The following MYO6 variants were observed in gnomAD, a reference collection of about 807,000 sequenced individuals.
The protein encoded by MYO6 is myosin VI.
In MYO6, 74 loss-of-function variants were observed where a neutral mutation model predicts 178.7. That is an observed-to-expected ratio of 0.41 (90% confidence interval 0.34 to 0.50). MYO6 has a LOEUF of 0.50. Ranked by LOEUF, MYO6 falls within the 20% of genes least tolerant of loss-of-function variation. The probability of loss-of-function intolerance (pLI) is 0.09; values close to 1 mark genes in which losing one functional copy is unlikely to be tolerated. For synonymous variants in MYO6, 477 were observed against 504.6 expected (o/e 0.95, Z 0.73); for missense variants, 1,330 against 1,547.4 (o/e 0.86, Z 2.36).
chr6:75,913,200 G>A (rs140999133), intron 33 of MYO6, among the ~76,000 whole-genome samples: 1,814 of 152,228 alleles, frequency 0.012, 18 homozygotes, highest in Middle Eastern at 0.02. Flanking sequence ...TGCTGCTAAA[G>A]ATGTAAAGTC....
intron 30 of MYO6, among the ~76,000 whole-genome samples, chr6:75,901,037 T>G (rs1415060913): frequency 6.6e-6 from 1 of 152,058 alleles, no homozygotes; most frequent in Non-Finnish European, 1.5e-5. Flanking sequence ...AAAGATCAGA[T>G]AGTTGTAGAT....
intron 1 of MYO6, among the ~76,000 whole-genome samples, chr6:75,778,980 C>T (rs9447550): frequency 0.064 from 9,498 of 147,272 alleles, 389 homozygotes; most frequent in East Asian, 0.18. Context: ...TTGCTTAAGC[C>T]CAGGAGGTTG....
At chr6:75,863,925 A>G (rs577763210) in intron 16 of MYO6, among the ~76,000 whole-genome samples, 6 of 152,244 alleles carry the variant, frequency 3.9e-5, no homozygotes, top group African/African-American at 1.4e-4. Flanking sequence ...TCATTCAGCC[A>G]TTGTTACCTG....
At chr6:75,903,356 A>T (rs986767425) in intron 30 of MYO6, among the ~76,000 whole-genome samples, 9 of 151,806 alleles carry the variant, frequency 5.9e-5, no homozygotes, top group African/African-American at 2.2e-4. Context: ...AATGTGTGGG[A>T]GTCTAAGTCT....
At chr6:75,906,684 C>A (rs866379702) in intron 30 of MYO6, among the ~76,000 whole-genome samples, 1 of 147,034 alleles carries the variant, frequency 6.8e-6, no homozygotes, top group Non-Finnish European at 1.5e-5. Flanking sequence ...TCAAAAAAAA[C>A]AAAAAACAAA....
chr6:75,812,444 C>G (rs1335189392), intron 1 of MYO6, among the ~76,000 whole-genome samples: 1 of 152,076 alleles, frequency 6.6e-6, no homozygotes, highest in Non-Finnish European at 1.5e-5. Flanking sequence ...TTTATTCTTT[C>G]TTTGTACCAC....
chr6:75,753,689 C>G (rs372576311), intron 1 of MYO6, among the ~76,000 whole-genome samples: 1 of 151,974 alleles, frequency 6.6e-6, no homozygotes, highest in Non-Finnish European at 1.5e-5. Context: ...TCTTGAACTC[C>G]TGAGCTCAGA....
intron 1 of MYO6, among the ~76,000 whole-genome samples, chr6:75,800,211 C>T (rs932444009): frequency 6.6e-6 from 1 of 152,090 alleles, no homozygotes; most frequent in African/African-American, 2.4e-5. Flanking sequence ...CCCTTACTTT[C>T]ACGAAAGAAA....
Position 75,915,855 on chromosome 6 carries a change from T to C in MYO6, c.*843T>C, listed in dbSNP as rs1332142981. 6.6e-6 allele frequency: 1 copy of C among 152,658 alleles called. No homozygotes were observed. The highest frequency in any genetic ancestry group is 2.4e-5 in the African/African-American group (1 of 41,472). 9.5% of individuals were successfully genotyped at this position (152,658 alleles called of 1,614,324 possible). On this transcript the variant is annotated 3_prime_UTR_variant, in exon 35 of 35. Coordinates refer to ENST00000369977, the MANE Select transcript of MYO6 (RefSeq NM_004999.4). Reference sequence around the variant, plus strand: ...GAATTCAAATATTCTTTCAACTTCATCTCAATAGTGATTTTTGTATCAGAA... The same window carrying C: ...GAATTCAAATATTCTTTCAACTTCACCTCAATAGTGATTTTTGTATCAGAA...
intron 1 of MYO6, among the ~76,000 whole-genome samples, chr6:75,814,139 A>C (rs986806263): frequency 9.9e-5 from 15 of 152,148 alleles, no homozygotes; most frequent in Non-Finnish European, 2.1e-4. Context: ...CCCCAGAACA[A>C]TTTAGCCTGC....
chr6:75,817,344 C>T lies in MYO6; in HGVS notation c.-47-157C>T, dbSNP rs116700689. Among the ~76,000 whole-genome samples the T allele has an allele frequency of 8.7e-3, 1,317 of 150,912 alleles. 18 individuals are homozygous for T. The highest frequency in any genetic ancestry group is 0.031 in the African/African-American group (1,267 of 41,054). On this transcript the variant is annotated intron_variant, in intron 1 of 34. Transcript: ENST00000369977. ...AAAAGTAGATAAAGGGGGCAGAGTT[C>T]AGCAAGAGGCAAGGGAGGAGGTGGG...
intron 25 of MYO6, 76 bp from the exon 26 acceptor site, chr6:75,889,981 A>G: frequency 1.9e-6 from 2 of 1,030,770 alleles, no homozygotes. Context: ...ATAATTCAGT[A>G]TTGTTAAGTA....
chr6:75,807,776 T>A (rs1301957053), intron 1 of MYO6, among the ~76,000 whole-genome samples: 1 of 152,244 alleles, frequency 6.6e-6, no homozygotes, highest in Non-Finnish European at 1.5e-5. Context: ...CTTGTTGCCA[T>A]CTTGGTTTTG....
At chr6:75,895,196 G>A in intron 28 of MYO6, 35 bp from the exon 29 acceptor site, 1 of 1,542,126 alleles carries the variant, frequency 6.5e-7, no homozygotes, top group South Asian at 1.1e-5. Flanking sequence ...TTCACAATTG[G>A]TTACGATATT....
At position 75,915,395 on chromosome 6, in the gene MYO6, A is replaced by C. The variant is rs1280734707; in HGVS notation, c.*383A>C. The C allele has an allele frequency of 1.4e-5, 3 of 219,626 alleles. No individual in the cohort carries two copies. The highest frequency in any genetic ancestry group is 2.8e-5 in the Non-Finnish European group (3 of 107,352). 13.6% of individuals were successfully genotyped at this position (219,626 alleles called of 1,614,324 possible). ...TGGCACAGTACCATATAACTGGAGT[A>C]ATAAAACATGAGCTTACATTCTTAC... On this transcript the variant is annotated 3_prime_UTR_variant, in exon 35 of 35. Coordinates refer to ENST00000369977, the MANE Select transcript of MYO6 (RefSeq NM_004999.4).
intron 9 of MYO6, among the ~76,000 whole-genome samples, chr6:75,842,067 A>G (rs932519841): frequency 6.6e-6 from 1 of 152,200 alleles, no homozygotes; most frequent in Non-Finnish European, 1.5e-5. Flanking sequence ...GAATTTCTTA[A>G]TTTACTTCAA....
chr6:75,791,154 T>C (rs943442423), intron 1 of MYO6, among the ~76,000 whole-genome samples: 19 of 152,134 alleles, frequency 1.2e-4, no homozygotes, highest in African/African-American at 3.9e-4. Flanking sequence ...AGGATGGTCT[T>C]GATCTCCTGA....
chr6:75,801,149 G>C lies in MYO6; in HGVS notation c.-47-16352G>C, dbSNP rs982841456. On this transcript the variant is annotated intron_variant, in intron 1 of 34. Transcript: ENST00000369977. ...TTTATAAAGAACTTCCCTGAGACTG[G>C]GTCATTTATAAAGGAAAGAGGTTTA... is the stretch of plus-strand genomic sequence containing the variant. 3.9e-5 allele frequency among the ~76,000 whole-genome samples: 6 copies of C among 152,262 alleles called. No homozygotes were observed. In the East Asian group the frequency reaches 1.2e-3, roughly 29 times the overall value.
intron 1 of MYO6, among the ~76,000 whole-genome samples, chr6:75,804,580 CTGAT>C (rs1435195508): frequency 1.3e-5 from 2 of 152,050 alleles, no homozygotes; most frequent in African/African-American, 4.8e-5. Context: ...TCTATTCTAA[CTGAT>C]TGTTTTCCTA....
Sources: allele counts gnomAD v4.1 joint callset (sites outside exome capture counted in the v4.1 genomes callset), GRCh38; gene constraint gnomAD v4.1.1; transcripts MANE v1.5; gene names NCBI Gene and HGNC (gene_info 2026-07-23, HGNC 2026-07-21).